Variants in SGCD observed in about 807,000 individuals in gnomAD.
SGCD encodes delta-sarcoglycan.
In SGCD, 18 loss-of-function variants were observed where a neutral mutation model predicts 36.6. The observed-to-expected ratio is 0.49, with a 90% CI of 0.34 to 0.73. The LOEUF is 0.73. SGCD is among the 30% of genes least tolerant of loss of function. SGCD has a pLI of 0.01. For synonymous variants in SGCD, 133 were observed against 130.6 expected (o/e 1.02, Z -0.12); for missense variants, 387 against 346.7 (o/e 1.12, Z -0.92).
At chr5:156,159,150 A>G (rs896664237) in intron 3 of SGCD, among the ~76,000 whole-genome samples, 1 of 151,648 alleles carries the variant, frequency 6.6e-6, no homozygotes, top group Non-Finnish European at 1.5e-5. Flanking sequence ...GCTATTTTGC[A>G]AGATTATTTG....
intron 7 of SGCD, among the ~76,000 whole-genome samples, chr5:156,655,441 A>G (rs1763635926): frequency 6.6e-6 from 1 of 152,028 alleles, no homozygotes; most frequent in Admixed American, 6.6e-5. Flanking sequence ...GTTTTGGTTC[A>G]TTGCCTTTTT....
intron 1 of SGCD, among the ~76,000 whole-genome samples, chr5:155,893,401 T>C (rs1018128094): frequency 3.9e-5 from 6 of 152,192 alleles, no homozygotes; most frequent in Non-Finnish European, 8.8e-5. Context: ...ACATATAGAA[T>C]AGATTAAAGA....
At chr5:156,274,859 G>A (rs1282910599) in intron 3 of SGCD, among the ~76,000 whole-genome samples, 1 of 152,066 alleles carries the variant, frequency 6.6e-6, no homozygotes, top group African/African-American at 2.4e-5. Flanking sequence ...TGACCCTGGG[G>A]TCCCTCAGTC....
chr5:156,509,061 A>C (rs1393199315), intron 4 of SGCD, among the ~76,000 whole-genome samples: 3 of 152,206 alleles, frequency 2.0e-5, no homozygotes, highest in African/African-American at 7.2e-5. Context: ...TTTTAGAAAC[A>C]CAGAACTGAA....
rs544656872 is a variant in SGCD, at chr5:156,405,950, C to T, written c.192+61273C>T. On this transcript the variant is annotated intron_variant, in intron 3 of 8. Coordinates refer to ENST00000337851, the MANE Select transcript of SGCD (RefSeq NM_000337.6). ...CTCCCTACTAAATAATTGATCAACA[C>T]GCCTCTTGGATTTTGTATCCACTCC... 1.4e-4 allele frequency among the ~76,000 whole-genome samples: 20 copies of T among 147,592 alleles called. No individual in the cohort carries two copies. In the East Asian group the frequency reaches 2.0e-3, roughly 15 times the overall value.
intron 3 of SGCD, among the ~76,000 whole-genome samples, chr5:156,206,307 A>G (rs1200207395): frequency 6.6e-6 from 1 of 151,972 alleles, no homozygotes; most frequent in East Asian, 1.9e-4. Flanking sequence ...TTTGGTCACA[A>G]TTAATACTAC....
intron 4 of SGCD, among the ~76,000 whole-genome samples, chr5:156,558,371 A>G (rs1759127613): frequency 6.6e-6 from 1 of 152,068 alleles, no homozygotes; most frequent in South Asian, 2.1e-4. Flanking sequence ...CACACTAGGT[A>G]TCCAACATTT....
rs963539505 is a variant in SGCD, at chr5:156,015,861, T to C, written c.-281-102017T>C. 2.1e-4 allele frequency among the ~76,000 whole-genome samples: 31 copies of C among 150,192 alleles called. 1 individual carries two copies. Among genetic ancestry groups the C allele is most frequent in the Admixed American group, 2.0e-4 (3 of 15,016 alleles). ...TGGAATGAATGAATGAAATTATATA[T>C]ATAATATATGTAATTATATGTCTAT... On this transcript the variant is annotated intron_variant, in intron 1 of 9. Coordinates refer to the SGCD transcript ENST00000517913.
intron 3 of SGCD, among the ~76,000 whole-genome samples, chr5:156,441,731 G>T (rs1753499673): frequency 6.6e-6 from 1 of 152,148 alleles, no homozygotes; most frequent in South Asian, 2.1e-4. Context: ...TATAGAGAAA[G>T]TTAGCCTAGA....
At chr5:156,657,770 A>T (rs1476321464) in intron 7 of SGCD, among the ~76,000 whole-genome samples, 1 of 150,364 alleles carries the variant, frequency 6.7e-6, no homozygotes, top group African/African-American at 2.4e-5. Flanking sequence ...AGAGATTTGG[A>T]AAAGAAAAAG....
intron 7 of SGCD, among the ~76,000 whole-genome samples, chr5:156,705,773 T>C (rs1056603015): frequency 2.0e-5 from 3 of 152,146 alleles, no homozygotes; most frequent in Admixed American, 6.6e-5. Flanking sequence ...AGTTTCTTTG[T>C]CAGGACTCTG....
chr5:155,810,990 T>C, the SGCD span, among the ~76,000 whole-genome samples: 1 of 145,406 alleles, frequency 6.9e-6, no homozygotes, highest in Non-Finnish European at 1.5e-5. Flanking sequence ...GCTAATTTTT[T>C]GTATTTTTAG....
chr5:155,751,648 A>T, the SGCD span, among the ~76,000 whole-genome samples: 24 of 151,630 alleles, frequency 1.6e-4, no homozygotes, highest in African/African-American at 5.8e-4. Flanking sequence ...AAATGCTGGG[A>T]TTATAGGCGT....
chr5:156,099,564 G>A (rs1761469971), intron 1 of SGCD, among the ~76,000 whole-genome samples: 2 of 152,078 alleles, frequency 1.3e-5, no homozygotes, highest in African/African-American at 4.8e-5. Flanking sequence ...ACAAGCATGT[G>A]CCACTACTGC....
chr5:156,129,646 C>T (rs987611688), intron 3 of SGCD, among the ~76,000 whole-genome samples: 1 of 152,202 alleles, frequency 6.6e-6, no homozygotes, highest in Non-Finnish European at 1.5e-5. Flanking sequence ...CCTCAACTCT[C>T]CACCCTCAAG....
intron 7 of SGCD, among the ~76,000 whole-genome samples, chr5:156,737,812 G>C (rs1267838226): frequency 6.6e-6 from 1 of 152,166 alleles, no homozygotes; most frequent in Non-Finnish European, 1.5e-5. Flanking sequence ...TCAGGGCTGA[G>C]AGATGGACCC....
intron 2 of SGCD, among the ~76,000 whole-genome samples, chr5:156,340,938 C>T (rs1289355043): frequency 6.6e-6 from 1 of 152,158 alleles, no homozygotes; most frequent in East Asian, 1.9e-4. Context: ...GTATCCATTA[C>T]CATATGTTTG....
chr5:156,698,835 T>C (rs959588999), intron 7 of SGCD, among the ~76,000 whole-genome samples: 2 of 89,230 alleles, frequency 2.2e-5, no homozygotes, highest in Admixed American at 1.3e-4. Context: ...AAAACTAAAT[T>C]AAAATACACA....
chr5:155,829,384 C>T, the SGCD span, among the ~76,000 whole-genome samples: 2 of 151,394 alleles, frequency 1.3e-5, no homozygotes, highest in Admixed American at 6.6e-5. Flanking sequence ...AAATTTGCTA[C>T]AGCCATCAGC....
Sources: gnomAD v4.1 joint callset for allele counts (sites outside exome capture counted in the v4.1 genomes callset) on GRCh38, gnomAD v4.1.1 for gene constraint, MANE v1.5 for transcripts, NCBI Gene and HGNC (gene_info 2026-07-23, HGNC 2026-07-21) for gene names.